Variants in HMGN5 observed in about 807,000 individuals in gnomAD.
HMGN5 encodes the protein high mobility group nucleosome-binding domain-containing protein 5.
A neutral mutation model predicts 9.5 loss-of-function variants in HMGN5; 4 were observed. That is an observed-to-expected ratio of 0.42 (90% confidence interval 0.21 to 0.96). The LOEUF (loss-of-function observed/expected upper bound fraction) is 0.96. HMGN5 is among the 40% of genes least tolerant of loss of function. The probability of loss-of-function intolerance (pLI) is 0.30; values close to 1 mark genes in which losing one functional copy is unlikely to be tolerated. For missense variants in HMGN5, 192 were observed against 187.5 expected, an observed-to-expected ratio of 1.02 and a Z score of -0.14; for synonymous variants, 55 against 57.1, an observed-to-expected ratio of 0.96 and a Z score of 0.16.
intron 1 of HMGN5, among the ~76,000 whole-genome samples, chrX:81,185,519 G>A (rs948142102): frequency 9.0e-6 from 1 of 111,600 alleles, no homozygotes; most frequent in African/African-American, 3.3e-5. Flanking sequence ...CTTTGGAGGA[G>A]ATTTTAGGTT....
chrX:81,119,780 A>T lies in HMGN5; in HGVS notation c.45+8T>A. On this transcript the variant is annotated splice_region_variant and intron_variant, in intron 3 of 6. Coordinates refer to ENST00000358130, the MANE Select transcript of HMGN5 (RefSeq NM_030763.3). ...TTCCTAATAGATGCTAAGACTAAAG[A>T]AACTCACCTCCTGCCTCATATCACC... The T allele has an allele frequency of 8.3e-7, 1 of 1,201,970 alleles. No homozygotes were observed. The highest frequency in any genetic ancestry group is 2.3e-4 in the Middle Eastern group (1 of 4,323).
At chrX:81,182,551 AC>A (rs977991255) in intron 1 of HMGN5, among the ~76,000 whole-genome samples, 1 of 110,330 alleles carries the variant, frequency 9.1e-6, no homozygotes, top group African/African-American at 3.3e-5. Context: ...AGTGTGTGGC[AC>A]CCCCCACCCC....
Position 81,123,919 on chromosome X carries a change from G to A in HMGN5, c.-123-2247C>T, listed in dbSNP as rs181481954. Among the ~76,000 whole-genome samples the A allele has an allele frequency of 3.6e-5, 4 of 112,191 alleles. No homozygotes were observed. The East Asian group carries it at 1.1e-3, about 32-fold the overall frequency. On this transcript the variant is annotated intron_variant, in intron 1 of 6. Coordinates refer to ENST00000358130, the MANE Select transcript of HMGN5 (RefSeq NM_030763.3). ...TGGCTTGCCTGTGAACAGTTCGGTA[G>A]ACTGTTACATTACAGCAAATGCAGC...
intron 1 of HMGN5, among the ~76,000 whole-genome samples, chrX:81,170,330 C>T (rs2075422832): frequency 9.0e-6 from 1 of 111,537 alleles, no homozygotes; most frequent in Non-Finnish European, 1.9e-5. Flanking sequence ...AGAGCAAGCA[C>T]TACCTATTTT....
At chrX:81,145,592 A>G (rs2075341378) in intron 1 of HMGN5, among the ~76,000 whole-genome samples, 1 of 111,886 alleles carries the variant, frequency 8.9e-6, no homozygotes, top group Admixed American at 9.5e-5. Context: ...AACTGCATCA[A>G]CTAATTGGCA....
At position 81,137,393 on chromosome X, in the gene HMGN5, T is replaced by C. The variant is rs746606861; in HGVS notation, c.-123-15721A>G. 1.8e-3 allele frequency among the ~76,000 whole-genome samples: 199 copies of C among 111,500 alleles called. 2 individuals carry two copies. Among genetic ancestry groups the C allele is most frequent in the African/African-American group, 6.4e-3 (196 of 30,788 alleles). On this transcript the variant is annotated intron_variant, in intron 1 of 6. Transcript: ENST00000358130. ...ATACAGATATGTTCTCTGACAATAA[T>C]GAAATCAAATTAGAAATCAATAATA...
chrX:81,157,784 A>C (rs2075387033), intron 1 of HMGN5, among the ~76,000 whole-genome samples: 2 of 111,002 alleles, frequency 1.8e-5, no homozygotes, highest in Non-Finnish European at 3.8e-5. Context: ...CAGGTAAAAT[A>C]AATTTTTTTT....
rs148660734 is a variant in HMGN5 at position 81,180,513 on chromosome X, C to A, written c.-124+21224G>T. Among the ~76,000 whole-genome samples the A allele has an allele frequency of 8.0e-5, 9 of 111,992 alleles. No individual in the cohort carries two copies. In the East Asian group the frequency reaches 2.5e-3, roughly 32 times the overall value. On this transcript the variant is annotated intron_variant, in intron 1 of 6. Coordinates refer to ENST00000358130, the MANE Select transcript of HMGN5 (RefSeq NM_030763.3). Reference sequence around the variant, plus strand: ...AACCACAGTGAGATACCATCTTGTGCCAGTTAGAATGACAATCATTAAAAA... The same window carrying A: ...AACCACAGTGAGATACCATCTTGTGACAGTTAGAATGACAATCATTAAAAA...
chrX:81,117,453 C>T (rs936566896), intron 5 of HMGN5, among the ~76,000 whole-genome samples: 1 of 109,000 alleles, frequency 9.2e-6, no homozygotes, highest in African/African-American at 3.3e-5. Context: ...CTATGTTGCC[C>T]AGGCTGGTCT....
chrX:81,200,876 G>C (rs756401532), intron 1 of HMGN5, among the ~76,000 whole-genome samples: 1 of 110,886 alleles, frequency 9.0e-6, no homozygotes, highest in Non-Finnish European at 1.9e-5. Flanking sequence ...ATAAGAAGGT[G>C]GCCTCTGGAG....
chrX:81,197,181 T>A (rs1391230428), intron 1 of HMGN5, among the ~76,000 whole-genome samples: 1 of 112,262 alleles, frequency 8.9e-6, no homozygotes, highest in Non-Finnish European at 1.9e-5. Flanking sequence ...ATTTAAAAAA[T>A]TTTCAGCCAC....
chrX:81,160,696 T>G (rs921432871), intron 1 of HMGN5, among the ~76,000 whole-genome samples: 66 of 111,912 alleles, frequency 5.9e-4, no homozygotes, highest in African/African-American at 2.0e-3. Context: ...GCAAAGGACA[T>G]GATCTCATTC....
At chrX:81,189,715 A>G (rs897171168) in intron 1 of HMGN5, among the ~76,000 whole-genome samples, 14 of 112,345 alleles carry the variant, frequency 1.2e-4, no homozygotes, top group Non-Finnish European at 2.4e-4. Context: ...TTCTGTAGAC[A>G]TAAGTTTTTA....
chrX:81,146,555 A>G (rs750009052), intron 1 of HMGN5, among the ~76,000 whole-genome samples: 1 of 112,121 alleles, frequency 8.9e-6, no homozygotes, highest in South Asian at 3.7e-4. Context: ...AGAAAGATCT[A>G]AAATCAACAC....
rs185383946 is a variant in HMGN5, at chrX:81,133,580, C to A, written c.-123-11908G>T. On this transcript the variant is annotated intron_variant, in intron 1 of 6. Transcript: ENST00000358130. Reference sequence around the variant, plus strand: ...CAGGGACATGTATGGAGCTGGAGGCCATTATGCTTAGAAAACTAACCCAGG... The same window carrying A: ...CAGGGACATGTATGGAGCTGGAGGCAATTATGCTTAGAAAACTAACCCAGG... 2.6e-3 allele frequency among the ~76,000 whole-genome samples: 287 copies of A among 111,287 alleles called. 1 individual carries two copies. Among genetic ancestry groups the A allele is most frequent in the African/African-American group, 8.9e-3 (274 of 30,699 alleles).
At chrX:81,119,078 A>G (rs190390674) in intron 3 of HMGN5, among the ~76,000 whole-genome samples, 1 of 111,779 alleles carries the variant, frequency 8.9e-6, no homozygotes, top group African/African-American at 3.2e-5. Context: ...TTTGCTTAAA[A>G]GGAAGAAGTT....
intron 1 of HMGN5, among the ~76,000 whole-genome samples, chrX:81,179,116 G>A (rs979778360): frequency 1.8e-5 from 2 of 111,606 alleles, no homozygotes; most frequent in African/African-American, 6.5e-5. Context: ...ACAAAAACTG[G>A]AAACATTCCC....
At chrX:81,128,721 A>C (rs2147544541) in intron 1 of HMGN5, among the ~76,000 whole-genome samples, 1 of 111,709 alleles carries the variant, frequency 9.0e-6, no homozygotes, top group Non-Finnish European at 1.9e-5. Context: ...GCTCTGTGAA[A>C]AATATTAATA....
At chrX:81,134,758 G>A (rs1034406393) in intron 1 of HMGN5, among the ~76,000 whole-genome samples, 2 of 111,809 alleles carry the variant, frequency 1.8e-5, no homozygotes, top group African/African-American at 6.5e-5. Flanking sequence ...ACAGATAGTG[G>A]CATAGGGCGA....
Sources: gnomAD v4.1 joint callset for allele counts (sites outside exome capture counted in the v4.1 genomes callset) on GRCh38, gnomAD v4.1.1 for gene constraint, MANE v1.5 for transcripts, NCBI Gene and HGNC (gene_info 2026-07-23, HGNC 2026-07-21) for gene names.